Variants in SMARCA1 observed in about 807,000 individuals in gnomAD.
SMARCA1 encodes SWI/SNF-related matrix-associated actin-dependent regulator of chromatin subfamily A member 1.
A neutral mutation model predicts 93.6 loss-of-function variants in SMARCA1; 17 were observed. The ratio of observed to expected loss-of-function variants is 0.18; its 90% CI spans 0.12 to 0.27. The LOEUF (loss-of-function observed/expected upper bound fraction) is 0.27, where lower values mean the gene tolerates loss of function less well. SMARCA1 is among the 10% of genes least tolerant of loss of function. The pLI is 1.00. For missense variants in SMARCA1, 630 were observed against 819.0 expected (o/e 0.77, Z 2.82); for synonymous variants, 271 against 271.4 (o/e 1.00, Z 0.01).
At chrX:129,510,773 A>G (rs3131265) in intron 6 of SMARCA1, among the ~76,000 whole-genome samples, 15,317 of 111,509 alleles carry the variant, frequency 0.14, 1,631 homozygotes, top group African/African-American at 0.37. Flanking sequence ...GTGGTATTAC[A>G]TTAGATAACA....
At chrX:129,497,294 G>A (rs1232023949) in intron 11 of SMARCA1, among the ~76,000 whole-genome samples, 1 of 110,587 alleles carries the variant, frequency 9.0e-6, no homozygotes, top group Non-Finnish European at 1.9e-5. Context: ...GACATACTCC[G>A]ATTGTCACTC....
intron 19 of SMARCA1, among the ~76,000 whole-genome samples, chrX:129,475,106 T>C (rs892531125): frequency 2.8e-5 from 3 of 106,091 alleles, no homozygotes; most frequent in Non-Finnish European, 5.9e-5. Flanking sequence ...ATACACCTCC[T>C]ATAAAAAAAA....
At chrX:129,466,348 C>A (rs1182462346) in intron 21 of SMARCA1, among the ~76,000 whole-genome samples, 1 of 111,231 alleles carries the variant, frequency 9.0e-6, no homozygotes, top group African/African-American at 3.3e-5. Flanking sequence ...GTGAATATAG[C>A]TTCCTAGCAT....
chrX:129,469,341 A>AC (rs1398135132), intron 20 of SMARCA1, among the ~76,000 whole-genome samples: 3 of 111,214 alleles, frequency 2.7e-5, no homozygotes, highest in Non-Finnish European at 5.7e-5. Flanking sequence ...GATAATGCAA[A>AC]AAAAAATTGT....
intron 23 of SMARCA1, among the ~76,000 whole-genome samples, chrX:129,456,424 C>G (rs1296109132): frequency 1.8e-5 from 2 of 111,838 alleles, no homozygotes; most frequent in African/African-American, 6.5e-5. Context: ...GCCCATGGAT[C>G]AAAGAGTAAT....
At chrX:129,465,760 T>C (rs774405848) in intron 22 of SMARCA1, 28 bp from the exon 23 acceptor site, 131 of 1,078,007 alleles carry the variant, frequency 1.2e-4, no homozygotes, top group Middle Eastern at 1.0e-3. Flanking sequence ...ATAGTGCTTT[T>C]AATTGAATGT....
chrX:129,487,999 C>T (rs1034212819), intron 16 of SMARCA1, among the ~76,000 whole-genome samples: 24 of 110,386 alleles, frequency 2.2e-4, no homozygotes, highest in African/African-American at 7.6e-4. Context: ...TCAAAATAAT[C>T]CAAGGAGGGG....
At chrX:129,519,698 G>C (rs1403566952) in intron 1 of SMARCA1, among the ~76,000 whole-genome samples, 1 of 111,358 alleles carries the variant, frequency 9.0e-6, no homozygotes, top group Non-Finnish European at 1.9e-5. Context: ...ATGTAATCCT[G>C]GATGGATGAG....
At position 129,462,173 on chromosome X, in the gene SMARCA1, G is replaced by A. The variant is rs190318690; in HGVS notation, c.3030+3347C>T. 9.6e-4 allele frequency among the ~76,000 whole-genome samples: 107 copies of A among 112,037 alleles called. 1 individual carries two copies. Among genetic ancestry groups the A allele is most frequent in the Non-Finnish European group, 1.6e-3 (85 of 53,090 alleles). On this transcript the variant is annotated intron_variant, in intron 23 of 24. Transcript: ENST00000371121. Reference sequence around the variant, plus strand: ...AAAAGAGTCATCTTTAAGCCAGATCGTTTTTAAAGGTATCTTTAGTAAGCT... The same window carrying A: ...AAAAGAGTCATCTTTAAGCCAGATCATTTTTAAAGGTATCTTTAGTAAGCT...
At chrX:129,489,619 G>A (rs1017754044) in intron 15 of SMARCA1, among the ~76,000 whole-genome samples, 5 of 112,354 alleles carry the variant, frequency 4.5e-5, no homozygotes, top group Non-Finnish European at 9.4e-5. Flanking sequence ...GTGCAGTGGC[G>A]CGATCTCGGC....
chrX:129,509,378 A>T (rs1359321865), intron 6 of SMARCA1, among the ~76,000 whole-genome samples: 1 of 110,226 alleles, frequency 9.1e-6, no homozygotes, highest in Non-Finnish European at 1.9e-5. Flanking sequence ...GGACAGAAAA[A>T]AAAAGGCCTT....
chrX:129,488,610 T>TAAA (rs35620990), intron 16 of SMARCA1, among the ~76,000 whole-genome samples: 4 of 64,936 alleles, frequency 6.2e-5, no homozygotes, highest in African/African-American at 1.2e-4. Context: ...CCTGTCTCTT[T>TAAA]AAAAAAAAAA....
At position 129,448,454 on chromosome X, in the gene SMARCA1, T is replaced by C; in HGVS notation, c.3031-11A>G. ...GCGTCTCTGGAATTCCTAAATGAAG[T>C]AATAAAGATTTTTAATTTCTGCAAC... On this transcript the variant is annotated splice_polypyrimidine_tract_variant and intron_variant, in intron 23 of 24. Transcript: ENST00000371121. 8.6e-7 allele frequency: 1 copy of C among 1,168,728 alleles called. No individual in the cohort carries two copies. The highest frequency in any genetic ancestry group is 1.9e-5 in the South Asian group (1 of 53,464).
Position 129,504,569 on chromosome X carries a change from A to AAAAAC in SMARCA1, c.1167+164_1167+165insGTTTT, listed in dbSNP as rs1934723830. On this transcript the variant is annotated intron_variant, in intron 9 of 24. Coordinates refer to ENST00000371121, the MANE Select transcript of SMARCA1 (RefSeq NM_001282874.2). ...AGGAATAAAAAAAAAAAAAAAAAAA[A>AAAAAC]AAAAAAAAAAAACAAAGAGGCTGTC... Among the ~76,000 whole-genome samples, 30 of 98,401 alleles carry AAAAAC rather than the reference A, an allele frequency of 3.0e-4. 1 individual carries two copies. Among genetic ancestry groups the AAAAAC allele is most frequent in the African/African-American group, 1.2e-3 (28 of 24,247 alleles). 85.4% of individuals were successfully genotyped at this position (98,401 alleles called of 115,157 possible). A position where few individuals can be genotyped will look rare whatever the true frequency, so the allele number is the denominator to read the frequency against.
intron 23 of SMARCA1, among the ~76,000 whole-genome samples, chrX:129,449,592 T>C (rs901932564): frequency 1.8e-5 from 2 of 112,364 alleles, no homozygotes; most frequent in Non-Finnish European, 3.7e-5. Flanking sequence ...ACATGATTCA[T>C]TAATACGGAA....
chrX:129,496,410 G>A (rs1934327489), intron 12 of SMARCA1, among the ~76,000 whole-genome samples: 1 of 109,454 alleles, frequency 9.1e-6, no homozygotes, highest in African/African-American at 3.3e-5. Flanking sequence ...TGGCAAATTA[G>A]GAAAAGAAAA....
intron 1 of SMARCA1, among the ~76,000 whole-genome samples, chrX:129,520,225 G>C (rs993212497): frequency 9.2e-6 from 1 of 108,862 alleles, no homozygotes; most frequent in Non-Finnish European, 1.9e-5. Context: ...GTGACTAAGA[G>C]ACTCTAATGA....
At chrX:129,483,379 A>G (rs1382221989) in intron 17 of SMARCA1, among the ~76,000 whole-genome samples, 2 of 99,985 alleles carry the variant, frequency 2.0e-5, no homozygotes, top group East Asian at 7.2e-4. Flanking sequence ...GAAACTTAAC[A>G]TAAATGACCT....
chrX:129,516,604 C>T (rs1299329073), intron 2 of SMARCA1, 107 bp from the exon 3 acceptor site: 1 of 628,002 alleles, frequency 1.6e-6, no homozygotes, highest in Non-Finnish European at 2.4e-6. Flanking sequence ...AAACATTAAT[C>T]CATTCAATTC....
Sources: allele counts gnomAD v4.1 joint callset (sites outside exome capture counted in the v4.1 genomes callset), GRCh38; gene constraint gnomAD v4.1.1; transcripts MANE v1.5; gene names NCBI Gene and HGNC (gene_info 2026-07-23, HGNC 2026-07-21).